The following CEP128 variants were observed in gnomAD, a reference collection of about 807,000 sequenced individuals.
CEP128 encodes the protein centrosomal protein 128.
CEP128 carries 132 observed loss-of-function variants against 156.7 expected under a neutral mutation model. The ratio of observed to expected loss-of-function variants is 0.84; its 90% confidence interval spans 0.73 to 0.97. The LOEUF is 0.97. Among genes scored for constraint, CEP128 ranks in the 50% least tolerant of loss-of-function variants. The pLI is 0.00. For synonymous variants in CEP128, 469 were observed against 448.9 expected (o/e 1.04, Z -0.57); for missense variants, 1,252 against 1,281.9 (o/e 0.98, Z 0.36).
intron 19 of CEP128, among the ~76,000 whole-genome samples, chr14:80,619,387 C>CACACACAG (rs1555383097): frequency 1.3e-5 from 2 of 151,366 alleles, no homozygotes; most frequent in African/African-American, 4.9e-5. Context: ...CACACACACA[C>CACACACAG]ACACACACAC....
At chr14:80,658,176 T>C (rs1353281432) in intron 19 of CEP128, among the ~76,000 whole-genome samples, 1 of 152,192 alleles carries the variant, frequency 6.6e-6, no homozygotes, top group Non-Finnish European at 1.5e-5. Context: ...TTTAAAAAGG[T>C]AATTTGTCAT....
chr14:80,733,690 C>T (rs1311827523), intron 19 of CEP128, among the ~76,000 whole-genome samples: 2 of 152,040 alleles, frequency 1.3e-5, no homozygotes, highest in Non-Finnish European at 2.9e-5. Context: ...ATAAGTTTTA[C>T]ATAGAATATG....
At chr14:80,650,865 T>C (rs1187627591) in intron 19 of CEP128, among the ~76,000 whole-genome samples, 1 of 152,192 alleles carries the variant, frequency 6.6e-6, no homozygotes, top group African/African-American at 2.4e-5. Context: ...TCAGGGATAC[T>C]GGCCTGAAAT....
intron 20 of CEP128, among the ~76,000 whole-genome samples, chr14:80,563,090 C>T (rs1378767332): frequency 2.0e-5 from 3 of 152,146 alleles, no homozygotes; most frequent in Admixed American, 2.0e-4. Context: ...TTACCCAGAG[C>T]TGCCTTTGTA....
At chr14:80,743,010 C>A in intron 19 of CEP128, 65 bp downstream of exon 19, 1 of 1,451,694 alleles carries the variant, frequency 6.9e-7, no homozygotes, top group Non-Finnish European at 9.5e-7. Context: ...AGGTTTTTTT[C>A]CAATCCTAGG....
chr14:80,625,503 T>C (rs181911097), intron 19 of CEP128, among the ~76,000 whole-genome samples: 3 of 152,282 alleles, frequency 2.0e-5, no homozygotes, highest in Admixed American at 2.0e-4. Context: ...ATATCATTAG[T>C]ATTTTAATAG....
intron 20 of CEP128, among the ~76,000 whole-genome samples, chr14:80,575,810 T>A (rs1368181674): frequency 6.6e-6 from 1 of 152,162 alleles, no homozygotes; most frequent in African/African-American, 2.4e-5. Flanking sequence ...AACCTACCAA[T>A]GGCTTAGTAT....
At chr14:80,951,954 G>A (rs900282350) in intron 2 of CEP128, among the ~76,000 whole-genome samples, 3 of 151,976 alleles carry the variant, frequency 2.0e-5, no homozygotes, top group Admixed American at 6.5e-5. Flanking sequence ...TCCCAAACAC[G>A]TATTTACCTA....
intron 13 of CEP128, among the ~76,000 whole-genome samples, chr14:80,817,352 C>T (rs756430079): frequency 2.6e-5 from 4 of 152,094 alleles, no homozygotes; most frequent in Non-Finnish European, 4.4e-5. Context: ...GAAAGTGTGA[C>T]TTATACAAAT....
At chr14:80,679,498 G>A (rs1896225660) in intron 19 of CEP128, among the ~76,000 whole-genome samples, 1 of 151,902 alleles carries the variant, frequency 6.6e-6, no homozygotes, top group Non-Finnish European at 1.5e-5. Flanking sequence ...GTCTCCCACA[G>A]TACCCTCAGG....
chr14:80,634,129 A>C (rs1371301630), intron 19 of CEP128, among the ~76,000 whole-genome samples: 1 of 152,218 alleles, frequency 6.6e-6, no homozygotes, highest in Non-Finnish European at 1.5e-5. Context: ...CCTACAGAAA[A>C]TGAGAATTAC....
chr14:80,861,629 A>G (rs1038636327), intron 9 of CEP128, among the ~76,000 whole-genome samples: 11 of 152,172 alleles, frequency 7.2e-5, no homozygotes, highest in African/African-American at 2.7e-4. Flanking sequence ...ATGATGACTG[A>G]AAAACTGTTC....
chr14:80,712,388 G>A (rs1897444290), intron 19 of CEP128, among the ~76,000 whole-genome samples: 1 of 152,092 alleles, frequency 6.6e-6, no homozygotes, highest in Admixed American at 6.6e-5. Flanking sequence ...TGTGGCTCAA[G>A]CATTGAGTCC....
At chr14:80,747,042 C>T (rs937423202) in intron 18 of CEP128, among the ~76,000 whole-genome samples, 7 of 152,344 alleles carry the variant, frequency 4.6e-5, no homozygotes, top group African/African-American at 1.7e-4. Context: ...CTCTACTTCA[C>T]ACCCAGCAGG....
chr14:80,661,277 GA>G (rs1290228779), intron 19 of CEP128, among the ~76,000 whole-genome samples: 4 of 152,012 alleles, frequency 2.6e-5, no homozygotes, highest in Non-Finnish European at 4.4e-5. Flanking sequence ...GGCATTATTT[GA>G]ATGTTTAAAA....
chr14:80,945,825 G>A (rs778610282), upstream of CEP128: 2 of 152,248 alleles, frequency 1.3e-5, no homozygotes. Flanking sequence ...ACACAACCAC[G>A]AGGAAATGAG....
intron 19 of CEP128, among the ~76,000 whole-genome samples, chr14:80,582,234 G>A (rs1891622495): frequency 6.6e-6 from 1 of 152,210 alleles, no homozygotes; most frequent in African/African-American, 2.4e-5. Context: ...ACCCAGCTGA[G>A]CCCAGTGTCA....
At chr14:80,777,619 T>C (rs773682823) in intron 16 of CEP128, among the ~76,000 whole-genome samples, 12 of 152,170 alleles carry the variant, frequency 7.9e-5, no homozygotes, top group Non-Finnish European at 1.8e-4. Context: ...ATCATTCCTT[T>C]TTTTCTACTT....
chr14:80,568,759 C>T (rs187036362), intron 20 of CEP128, among the ~76,000 whole-genome samples: 9 of 151,972 alleles, frequency 5.9e-5, no homozygotes, highest in Non-Finnish European at 1.3e-4. Context: ...GATTATCTGC[C>T]CTCTGATTAT....
Sources: gnomAD v4.1 joint callset for allele counts (sites outside exome capture counted in the v4.1 genomes callset) on GRCh38, gnomAD v4.1.1 for gene constraint, MANE v1.5 for transcripts, NCBI Gene and HGNC (gene_info 2026-07-23, HGNC 2026-07-21) for gene names.